Variants in MPDZ observed in about 807,000 individuals in gnomAD.
MPDZ encodes multiple PDZ domain crumbs cell polarity complex component.
A neutral mutation model predicts 239.1 loss-of-function variants in MPDZ; 234 were observed. The observed-to-expected ratio is 0.98, with a 90% CI of 0.88 to 1.09. The LOEUF (loss-of-function observed/expected upper bound fraction) is 1.09, where lower values mean the gene tolerates loss of function less well. Ranked by LOEUF, MPDZ falls within the 50% of genes least tolerant of loss-of-function variation. The pLI is 0.00. For missense variants in MPDZ, 3,175 were observed against 2,510.0 expected (o/e 1.26, Z -5.66); for synonymous variants, 1,048 against 881.3 (o/e 1.19, Z -3.35).
At chr9:13,136,322 T>TTTA in intron 30 of MPDZ, 140 bp from the exon 31 acceptor site, 4 of 440,588 alleles carry the variant, frequency 9.1e-6, no homozygotes, top group East Asian at 4.1e-5. Flanking sequence ...TTACAAACGT[T>TTTA]TTCTTTTTTT....
At chr9:13,144,379 A>C (rs1432817750) in intron 26 of MPDZ, among the ~76,000 whole-genome samples, 1 of 152,036 alleles carries the variant, frequency 6.6e-6, no homozygotes, top group Non-Finnish European at 1.5e-5. Context: ...TAAAGTCAGG[A>C]TGACTGCCAG....
Position 13,250,352 on chromosome 9 carries a change from A to C in MPDZ, c.-37T>G, listed in dbSNP as rs1335051314. 1 of 1,561,064 alleles carries C rather than the reference A, an allele frequency of 6.4e-7. No individual in the cohort carries two copies. Among genetic ancestry groups the C allele is most frequent in the Non-Finnish European group, 8.7e-7 (1 of 1,148,400 alleles). On this transcript the variant is annotated 5_prime_UTR_variant, in exon 2 of 47. Coordinates refer to ENST00000319217, the MANE Select transcript of MPDZ (RefSeq NM_001378778.1). Reference sequence around the variant, plus strand: ...TTCAGTGTTCTTCTCTGAAATGATTAACAGCAATTAAAATGGAACTCTGTG... The same window carrying C: ...TTCAGTGTTCTTCTCTGAAATGATTCACAGCAATTAAAATGGAACTCTGTG...
At chr9:13,210,041 C>T (rs80098088) in intron 10 of MPDZ, among the ~76,000 whole-genome samples, 3,358 of 145,450 alleles carry the variant, frequency 0.023, 86 homozygotes, top group South Asian at 0.085. Context: ...ATCAAAAAGG[C>T]ACATGAAAAA....
Position 13,150,607 on chromosome 9 carries a change from A to G in MPDZ, c.3534T>C (p.Asn1178=). 6.5e-7 allele frequency: 1 copy of G among 1,549,480 alleles called. No individual in the cohort carries two copies. Among genetic ancestry groups the G allele is most frequent in the Middle Eastern group, 1.7e-4 (1 of 5,830 alleles). ...TGAAAATGCCCCTCATCACTTCTCC[A>G]TTGCTTAGCCGACTCCCCATCCCTC... ...GGRGMGSRLS[N]GEVMRGIFIK... is the part of the protein sequence containing the mutation. The change falls in exon 25 of 47, where the codon AAT becomes AAC. Residue 1178 remains asparagine, a synonymous_variant. Coordinates refer to ENST00000319217, the MANE Select transcript of MPDZ (RefSeq NM_001378778.1).
At position 13,106,644 on chromosome 9, in the gene MPDZ, T is replaced by C; in HGVS notation, c.*321A>G. 5.0e-6 allele frequency: 1 copy of C among 201,910 alleles called. No homozygotes were observed. Among genetic ancestry groups the C allele is most frequent in the Non-Finnish European group, 9.9e-6 (1 of 101,088 alleles). The allele number at this position is 201,910 out of a possible 1,614,324, so 12.5% of individuals were successfully genotyped here. The stretch of plus-strand genomic sequence containing the variant: ...TGGTTAGCTTTAGAATTATCTTTCT[T>C]TATACTAACCAGCTTAGCATGTAAT... On this transcript the variant is annotated 3_prime_UTR_variant, in exon 47 of 47. Transcript: ENST00000319217.
intron 21 of MPDZ, among the ~76,000 whole-genome samples, chr9:13,170,074 G>A (rs933300468): frequency 7.9e-5 from 12 of 152,014 alleles, no homozygotes; most frequent in African/African-American, 2.4e-4. Context: ...CACTTAAAAC[G>A]AAGTGCTGAA....
chr9:13,122,419 C>T (rs1314094359), intron 36 of MPDZ, among the ~76,000 whole-genome samples: 1 of 151,866 alleles, frequency 6.6e-6, no homozygotes, highest in Non-Finnish European at 1.5e-5. Flanking sequence ...ATAAAACATG[C>T]ATACATAGAT....
chr9:13,223,136 G>C (rs559587182), intron 5 of MPDZ, among the ~76,000 whole-genome samples: 12 of 151,934 alleles, frequency 7.9e-5, no homozygotes, highest in Non-Finnish European at 1.6e-4. Flanking sequence ...TAAGGGACTT[G>C]AGCACCTGCA....
At chr9:13,123,644 C>A (rs1353169573) in intron 35 of MPDZ, among the ~76,000 whole-genome samples, 1 of 152,056 alleles carries the variant, frequency 6.6e-6, no homozygotes, top group Non-Finnish European at 1.5e-5. Flanking sequence ...TTGATATTCT[C>A]CATTTCAATG....
chr9:13,140,593 A>G (rs1043695228), intron 27 of MPDZ, among the ~76,000 whole-genome samples: 9 of 151,390 alleles, frequency 5.9e-5, no homozygotes, highest in African/African-American at 1.9e-4. Context: ...AGAATAATTC[A>G]CTAAACTTTT....
At chr9:13,170,715 G>C (rs1325563153) in intron 21 of MPDZ, among the ~76,000 whole-genome samples, 2 of 152,190 alleles carry the variant, frequency 1.3e-5, no homozygotes, top group Non-Finnish European at 2.9e-5. Flanking sequence ...CCTATCATGA[G>C]CTATGGCCAA....
chr9:13,250,430 A>G, intron 1 of MPDZ, 58 bp from the exon 2 acceptor site: 5 of 910,458 alleles, frequency 5.5e-6, no homozygotes, highest in African/African-American at 1.7e-5. Flanking sequence ...TTCTAAAGCT[A>G]TATACTCTGA....
In MPDZ at chr9:13,203,771, C is replaced by G. The variant is rs112943402; in HGVS notation, c.1546+1265G>C. On this transcript the variant is annotated intron_variant, in intron 12 of 46. Transcript: ENST00000319217. ...ACACACACACACACACACACACACACACAGAGAGAGAAAGAGAGAGAGAGA... is the reference window on the plus strand; with the variant it reads ...ACACACACACACACACACACACACAGACAGAGAGAGAAAGAGAGAGAGAGA... Among the ~76,000 whole-genome samples, 620 of 114,250 alleles carry G rather than the reference C, an allele frequency of 5.4e-3. 2 individuals are homozygous for G. The highest frequency in any genetic ancestry group is 0.018 in the African/African-American group (563 of 31,854). 75.0% of individuals were successfully genotyped at this position (114,250 alleles called of 152,430 possible). A position where few individuals can be genotyped will look rare whatever the true frequency, so the allele number is the denominator to read the frequency against.
At chr9:13,234,068 T>C (rs1963287872) in intron 3 of MPDZ, among the ~76,000 whole-genome samples, 2 of 152,200 alleles carry the variant, frequency 1.3e-5, no homozygotes, top group Admixed American at 1.3e-4. Flanking sequence ...ATCATTTTAT[T>C]GCATACCAAA....
At chr9:13,233,060 T>C (rs1962971110) in intron 3 of MPDZ, among the ~76,000 whole-genome samples, 5 of 152,154 alleles carry the variant, frequency 3.3e-5, no homozygotes, top group African/African-American at 7.2e-5. Flanking sequence ...AGTGTGAGCA[T>C]TGATGTGGAG....
chr9:13,272,964 G>A (rs1200722594), intron 1 of MPDZ, among the ~76,000 whole-genome samples: 3 of 152,106 alleles, frequency 2.0e-5, no homozygotes, highest in African/African-American at 7.2e-5. Flanking sequence ...ATGGTATTAG[G>A]GGGTGGGGTC....
chr9:13,200,461 C>T (rs1042650940), intron 12 of MPDZ, among the ~76,000 whole-genome samples: 11 of 151,904 alleles, frequency 7.2e-5, no homozygotes, highest in Admixed American at 2.0e-4. Flanking sequence ...TTTCTTTCTG[C>T]TCCTTCGGGT....
intron 45 of MPDZ, 42 bp from the exon 46 acceptor site, chr9:13,109,101 AAAAAACTATACAT>A: frequency 7.7e-7 from 1 of 1,296,806 alleles, no homozygotes; most frequent in Non-Finnish European, 1.0e-6. Context: ...AATTAAAAAA[AAAAAACTATACAT>A]ATATGTTATG....
chr9:13,206,121 AGCATGTTACATGTT>A, intron 10 of MPDZ, 22 bp from the exon 11 acceptor site: 1 of 1,505,722 alleles, frequency 6.6e-7, no homozygotes, highest in Non-Finnish European at 9.0e-7. Flanking sequence ...AAAAAAAAAA[AGCATGTTACATGTT>A]AAATAAATGG....
Sources: allele counts gnomAD v4.1 joint callset (sites outside exome capture counted in the v4.1 genomes callset), GRCh38; gene constraint gnomAD v4.1.1; transcripts MANE v1.5; gene names NCBI Gene and HGNC (gene_info 2026-07-23, HGNC 2026-07-21).